TEX9: variants seen among roughly 807,000 people sequenced by gnomAD.
TEX9 encodes testis-expressed protein 9.
TEX9 carries 74 observed loss-of-function variants against 59.6 expected under a neutral mutation model. That is an observed-to-expected ratio of 1.24 (90% CI 1.03 to 1.51). TEX9 has a LOEUF of 1.51. TEX9 is among the 40% of genes most tolerant of loss of function. The probability of loss-of-function intolerance (pLI) is 0.00; values close to 1 mark genes in which losing one functional copy is unlikely to be tolerated. For synonymous variants in TEX9, 186 were observed against 152.2 expected (o/e 1.22, Z -1.64); for missense variants, 522 against 447.8 (o/e 1.17, Z -1.49).
intron 1 of TEX9, among the ~76,000 whole-genome samples, chr15:56,280,916 G>A (rs1255207429): frequency 6.6e-6 from 1 of 152,194 alleles, no homozygotes; most frequent in African/African-American, 2.4e-5. Flanking sequence ...ATCAGTAAAT[G>A]ACTTAAACCA....
At chr15:56,315,980 G>A (rs1237503514) in intron 1 of TEX9, among the ~76,000 whole-genome samples, 9 of 151,366 alleles carry the variant, frequency 5.9e-5, no homozygotes, top group African/African-American at 1.9e-4. Context: ...CGTAGCTCTC[G>A]AGCCTTGGTT....
intron 9 of TEX9, among the ~76,000 whole-genome samples, chr15:56,410,683 G>A (rs1040748877): frequency 2.6e-4 from 39 of 152,270 alleles, no homozygotes; most frequent in Admixed American, 2.0e-3. Context: ...CAGGGATAGG[G>A]GACATCATGT....
At chr15:56,308,877 C>G (rs577723272) in intron 1 of TEX9, among the ~76,000 whole-genome samples, 18 of 152,062 alleles carry the variant, frequency 1.2e-4, no homozygotes, top group African/African-American at 4.3e-4. Flanking sequence ...GACTTTTTTT[C>G]CTGTATTCCC....
chr15:56,267,144 A>G (rs937706012), intron 1 of TEX9, among the ~76,000 whole-genome samples: 5 of 152,100 alleles, frequency 3.3e-5, no homozygotes, highest in South Asian at 2.1e-4. Context: ...GTGTCTGTTC[A>G]TGTCCTTTGC....
chr15:56,460,009 A>AAAAAAAAATATATATAT, the TEX9 span, among the ~76,000 whole-genome samples: 10 of 26,384 alleles, frequency 3.8e-4, no homozygotes, highest in South Asian at 1.5e-3. Flanking sequence ...AAAAAAAAAA[A>AAAAAAAAATATATATAT]ATACATATAT....
intron 2 of TEX9, 34 bp downstream of exon 2, chr15:56,365,704 T>G: frequency 6.2e-7 from 1 of 1,613,540 alleles, no homozygotes; most frequent in Non-Finnish European, 8.5e-7. Context: ...TTTCCTTCTT[T>G]CTTTCATCTG....
At position 56,426,457 on chromosome 15, in the gene TEX9, A is replaced by G. The variant is rs371178871; in HGVS notation, c.964-1148A>G. The stretch of plus-strand genomic sequence containing the variant: ...TGGTTTCTAGAGCTCTCCCAAAGCT[A>G]TTTTGGTCTGTGTATCATATAGTCA... On this transcript the variant is annotated intron_variant, in intron 10 of 12. Coordinates refer to ENST00000352903, the Ensembl canonical transcript of TEX9. Among the ~76,000 whole-genome samples, 10 of 150,306 alleles carry G rather than the reference A, an allele frequency of 6.7e-5. 1 individual carries two copies. The highest frequency in any genetic ancestry group is 2.7e-4 in the Admixed American group (4 of 15,016).
chr15:56,265,680 A>G (rs1318681292), intron 1 of TEX9, among the ~76,000 whole-genome samples: 4 of 152,050 alleles, frequency 2.6e-5, no homozygotes, highest in African/African-American at 9.7e-5. Flanking sequence ...AGAAATCTTT[A>G]TTTGTACTTT....
chr15:56,302,550 G>A (rs576281249), intron 1 of TEX9, among the ~76,000 whole-genome samples: 11 of 151,036 alleles, frequency 7.3e-5, no homozygotes, highest in Non-Finnish European at 1.3e-4. Context: ...ACAAACCTAC[G>A]AAAGATACAC....
At chr15:56,426,587 G>GTTTATA (rs1320230912) in intron 10 of TEX9, among the ~76,000 whole-genome samples, 1 of 8,210 alleles carries the variant, frequency 1.2e-4, no homozygotes, top group Non-Finnish European at 2.7e-4. Context: ...TTTTGAAAAG[G>GTTTATA]TGTATATATA....
At chr15:56,327,970 C>G (rs557440662) in intron 1 of TEX9, among the ~76,000 whole-genome samples, 1 of 151,994 alleles carries the variant, frequency 6.6e-6, no homozygotes, top group Non-Finnish European at 1.5e-5. Context: ...GGCCAATGGA[C>G]TTGGGGAACA....
chr15:56,443,076 C>T (rs2050846848), intron 12 of TEX9, among the ~76,000 whole-genome samples: 1 of 152,094 alleles, frequency 6.6e-6, no homozygotes, highest in African/African-American at 2.4e-5. Context: ...AATTGCTTGT[C>T]CTGAAGTTGA....
intron 10 of TEX9, among the ~76,000 whole-genome samples, chr15:56,412,737 A>T (rs1164491932): frequency 1.3e-5 from 2 of 152,140 alleles, no homozygotes; most frequent in African/African-American, 4.8e-5. Context: ...AGTTGTTTAA[A>T]AAAAGTATCT....
intron 1 of TEX9, among the ~76,000 whole-genome samples, chr15:56,303,570 G>A (rs1197651226): frequency 1.3e-5 from 2 of 152,070 alleles, no homozygotes; most frequent in Non-Finnish European, 2.9e-5. Flanking sequence ...ATAGCAATGA[G>A]TGCCTACATC....
At chr15:56,303,522 T>G (rs1311434524) in intron 1 of TEX9, among the ~76,000 whole-genome samples, 1 of 152,114 alleles carries the variant, frequency 6.6e-6, no homozygotes, top group Non-Finnish European at 1.5e-5. Flanking sequence ...TATCAAAACC[T>G]ATGAGATACA....
the TEX9 span, among the ~76,000 whole-genome samples, chr15:56,457,529 A>G: frequency 6.6e-6 from 1 of 152,190 alleles, no homozygotes. Flanking sequence ...GTTTGATATA[A>G]AACTAACATG....
chr15:56,383,766 A>G (rs2047838879), intron 3 of TEX9, among the ~76,000 whole-genome samples, 186 bp from the exon 4 acceptor site: 2 of 152,226 alleles, frequency 1.3e-5, no homozygotes, highest in African/African-American at 4.8e-5. Flanking sequence ...AACCCAGAAC[A>G]AATGAAAGGT....
At chr15:56,373,379 T>G in intron 2 of TEX9, 62 bp from the exon 3 acceptor site, 1 of 1,500,850 alleles carries the variant, frequency 6.7e-7, no homozygotes, top group Non-Finnish European at 9.0e-7. Flanking sequence ...GTGTAATTGC[T>G]GAAGTTTATT....
intron 1 of TEX9, among the ~76,000 whole-genome samples, chr15:56,283,688 G>A (rs1192938065): frequency 2.0e-5 from 3 of 151,776 alleles, no homozygotes; most frequent in Admixed American, 1.3e-4. Context: ...GTTTTTAGAA[G>A]ACAGCCAAAA....
Sources: gnomAD v4.1 joint callset for allele counts (sites outside exome capture counted in the v4.1 genomes callset) on GRCh38, gnomAD v4.1.1 for gene constraint, MANE v1.5 for transcripts, NCBI Gene and HGNC (gene_info 2026-07-23, HGNC 2026-07-21) for gene names.